ACSS1: variants seen among roughly 807,000 people sequenced by gnomAD.
ACSS1 encodes the protein acetyl-coenzyme A synthetase 2-like, mitochondrial.
Under a neutral mutation model 75.3 loss-of-function variants are expected in ACSS1, and 42 were observed. The ratio of observed to expected loss-of-function variants is 0.56; its 90% CI spans 0.44 to 0.72. ACSS1 has a LOEUF of 0.72. Among genes scored for constraint, ACSS1 ranks in the 30% least tolerant of loss-of-function variants. ACSS1 has a pLI of 0.00. For missense variants in ACSS1, 782 were observed against 935.7 expected, an observed-to-expected ratio of 0.84 and a Z score of 2.14; for synonymous variants, 380 against 376.8, an observed-to-expected ratio of 1.01 and a Z score of -0.10.
chr20:25,032,856 G>A (rs548461321), intron 2 of ACSS1: 1 of 271,522 alleles, frequency 3.7e-6, no homozygotes, highest in Non-Finnish European at 5.7e-6. Context: ...CAGATCGCAA[G>A]GCCAGCCCGC....
Position 25,048,224 on chromosome 20 carries a change from T to C in ACSS1, c.335-43A>G, listed in dbSNP as rs761836967. ...TTGCGGATGTTACACTTGGTGCTTT[T>C]TGAGTGAGAATTCGGCCAGGTTGAG... On this transcript the variant is annotated intron_variant, in intron 1 of 13. Coordinates refer to ENST00000323482, the MANE Select transcript of ACSS1 (RefSeq NM_032501.4). 4 of 1,586,116 alleles carry C rather than the reference T, an allele frequency of 2.5e-6. No individual in the cohort carries two copies. The South Asian group carries it at 4.5e-5, about 18-fold the overall frequency.
intron 2 of ACSS1, among the ~76,000 whole-genome samples, chr20:25,047,252 G>A (rs551250167): frequency 6.3e-4 from 96 of 152,240 alleles, no homozygotes; most frequent in African/African-American, 2.2e-3. Context: ...CCTCCTCCAC[G>A]TCCCCTCGCT....
Position 25,048,185 on chromosome 20 carries a change from T to A in ACSS1, c.335-4A>T, listed in dbSNP as rs1600348832. On this transcript the variant is annotated splice_polypyrimidine_tract_variant and splice_region_variant and intron_variant, in intron 1 of 13. Coordinates refer to ENST00000323482, the MANE Select transcript of ACSS1 (RefSeq NM_032501.4). ...ACATGCTGGTCCAAGCAGTTGACTGTACAAAAAGAGGGTTTGCGGATGTTA... is the reference window on the plus strand; with the variant it reads ...ACATGCTGGTCCAAGCAGTTGACTGAACAAAAAGAGGGTTTGCGGATGTTA... 6.2e-7 allele frequency: 1 copy of A among 1,612,172 alleles called. No homozygotes were observed. Among genetic ancestry groups the A allele is most frequent in the East Asian group, 2.2e-5 (1 of 44,840 alleles).
At chr20:25,013,115 T>C (rs1028059989) in intron 10 of ACSS1, among the ~76,000 whole-genome samples, 176 bp from the exon 11 acceptor site, 1 of 152,112 alleles carries the variant, frequency 6.6e-6, no homozygotes, top group Non-Finnish European at 1.5e-5. Context: ...CTCCGAGATA[T>C]CGAGACTTTG....
chr20:25,012,637 C>T lies in ACSS1; in HGVS notation c.1735G>A (p.Ala579Thr). Residue 579 changes from alanine to threonine, a missense_variant, in exon 12 of 14, where the codon GCT (alanine) becomes ACT (threonine). By Grantham distance (58) the Ala-to-Thr change is moderately conservative. Coordinates refer to ENST00000323482, the MANE Select transcript of ACSS1 (RefSeq NM_032501.4). ...ATGTCGTGGGGGTAGCCAATGACAGCACTTTCTGGTACTGCAGGGTGGTCG... is the reference window on the plus strand; with the variant it reads ...ATGTCGTGGGGGTAGCCAATGACAGTACTTTCTGGTACTGCAGGGTGGTCG... The part of the protein sequence containing the change: ...IADHPAVPES[A>T]VIGYPHDIKG... 1 of 1,614,198 alleles carries T rather than the reference C, an allele frequency of 6.2e-7. No individual in the cohort carries two copies. The highest frequency in any genetic ancestry group is 8.5e-7 in the Non-Finnish European group (1 of 1,180,030).
At chr20:25,035,653 C>T (rs1443036730) in intron 2 of ACSS1, among the ~76,000 whole-genome samples, 1 of 152,228 alleles carries the variant, frequency 6.6e-6, no homozygotes, top group Non-Finnish European at 1.5e-5. Context: ...ATCCACTGGC[C>T]TTGGCCTCCC....
intron 2 of ACSS1, among the ~76,000 whole-genome samples, chr20:25,036,110 T>C (rs1299611527): frequency 6.6e-6 from 1 of 152,232 alleles, no homozygotes; most frequent in Non-Finnish European, 1.5e-5. Flanking sequence ...GTTTTACTTT[T>C]AAGTCCAAGA....
chr20:25,018,115 T>G (rs1180877221), intron 7 of ACSS1, among the ~76,000 whole-genome samples: 1 of 152,218 alleles, frequency 6.6e-6, no homozygotes, highest in Non-Finnish European at 1.5e-5. Flanking sequence ...TGAAATGTAA[T>G]TGCCATTGTA....
rs2088332982 is a variant in ACSS1 at position 25,007,685 on chromosome 20, C to A, written c.*77G>T. On this transcript the variant is annotated 3_prime_UTR_variant, in exon 14 of 14. Coordinates refer to ENST00000323482, the MANE Select transcript of ACSS1 (RefSeq NM_032501.4). ...CTTCTGGGACGTAGGAAGACGCCAA[C>A]CTCAGGGGTACCTTCTGGGAAGGAC... is the stretch of plus-strand genomic sequence containing the variant. 5 of 1,565,866 alleles carry A rather than the reference C, an allele frequency of 3.2e-6. No individual in the cohort carries two copies. Among genetic ancestry groups the A allele is most frequent in the Non-Finnish European group, 4.3e-6 (5 of 1,156,434 alleles).
At chr20:25,015,829 A>G (rs1262384815) in intron 7 of ACSS1, among the ~76,000 whole-genome samples, 1 of 151,196 alleles carries the variant, frequency 6.6e-6, no homozygotes, top group African/African-American at 2.4e-5. Flanking sequence ...AGCAATTTTG[A>G]GGAGCAATCT....
intron 12 of ACSS1, 176 bp from the exon 13 acceptor site, chr20:25,009,564 G>A: frequency 1.6e-6 from 1 of 621,222 alleles, no homozygotes; most frequent in Non-Finnish European, 2.9e-6. Flanking sequence ...TCAGTTTCAT[G>A]AAAAGTGGCA....
At chr20:25,022,655 AAG>A (rs1294055819) in intron 5 of ACSS1, among the ~76,000 whole-genome samples, 6 of 152,258 alleles carry the variant, frequency 3.9e-5, no homozygotes, top group African/African-American at 1.4e-4. Flanking sequence ...CTGTTCTAAA[AAG>A]AGTTTTTAAA....
chr20:25,031,640 A>C (rs1600330192), intron 2 of ACSS1, among the ~76,000 whole-genome samples: 1 of 152,188 alleles, frequency 6.6e-6, no homozygotes, highest in East Asian at 1.9e-4. Context: ...GTAACTGAGA[A>C]GCTTTCAATA....
rs529882840 is a variant in ACSS1 at position 25,013,072 on chromosome 20, T to G, written c.1580-133A>C. 105 of 1,344,554 alleles carry G rather than the reference T, an allele frequency of 7.8e-5. 1 individual carries two copies. The African/African-American group carries it at 1.4e-3, about 18-fold the overall frequency. The allele number at this position is 1,344,554 out of a possible 1,614,324, so 83.3% of individuals were successfully genotyped here. A position where few individuals can be genotyped will look rare whatever the true frequency, so the allele number is the denominator to read the frequency against. ...CCATCGGCCCTCCTTGCAACTCCGA[T>G]GCTTCCCTATGTTCTAGAGCATGGG... On this transcript the variant is annotated intron_variant, in intron 10 of 13. Transcript: ENST00000323482.
intron 7 of ACSS1, among the ~76,000 whole-genome samples, chr20:25,018,526 G>A (rs535611400): frequency 2.6e-5 from 4 of 152,106 alleles, no homozygotes; most frequent in Non-Finnish European, 5.9e-5. Context: ...ATCAGGTGGG[G>A]GGCAGAGTGA....
At chr20:25,017,458 C>A (rs2088538627) in intron 7 of ACSS1, among the ~76,000 whole-genome samples, 1 of 152,202 alleles carries the variant, frequency 6.6e-6, no homozygotes, top group African/African-American at 2.4e-5. Flanking sequence ...GTGCTGGGAG[C>A]CCCAGGTGCA....
chr20:25,041,288 G>C (rs181828330), intron 2 of ACSS1, among the ~76,000 whole-genome samples: 73 of 151,738 alleles, frequency 4.8e-4, no homozygotes, highest in African/African-American at 1.5e-3. Context: ...TGTTAATTTG[G>C]AAGGAAGGTG....
At chr20:25,031,679 C>T (rs946949068) in intron 2 of ACSS1, among the ~76,000 whole-genome samples, 1 of 152,196 alleles carries the variant, frequency 6.6e-6, no homozygotes, top group African/African-American at 2.4e-5. Flanking sequence ...CGCTCTGCCA[C>T]TCGCCTTGGA....
rs188494434 is a variant in ACSS1, at chr20:25,012,416, C to T, written c.1771+185G>A. 108 of 700,600 alleles carry T rather than the reference C, an allele frequency of 1.5e-4. 2 individuals are homozygous for T. The highest frequency in any genetic ancestry group is 6.3e-4 in the Middle Eastern group (2 of 3,200). 43.4% of individuals were successfully genotyped at this position (700,600 alleles called of 1,614,324 possible). On this transcript the variant is annotated intron_variant, in intron 12 of 13. Coordinates refer to ENST00000323482, the MANE Select transcript of ACSS1 (RefSeq NM_032501.4). ...GCAGAACCAGGGCATTTCAGAAACC[C>T]GACCGAACACGAGTGCTATTCAGCC...
Sources: gnomAD v4.1 joint callset for allele counts (sites outside exome capture counted in the v4.1 genomes callset) on GRCh38, gnomAD v4.1.1 for gene constraint, MANE v1.5 for transcripts, NCBI Gene and HGNC (gene_info 2026-07-23, HGNC 2026-07-21) for gene names.